The following LTBP1 variants were observed in gnomAD, a reference collection of about 807,000 sequenced individuals.
LTBP1 encodes the protein latent-transforming growth factor beta-binding protein 1.
LTBP1 carries 129 observed loss-of-function variants against 207.6 expected under a neutral mutation model. The observed-to-expected ratio is 0.62, with a 90% CI of 0.54 to 0.72. LTBP1 has a LOEUF of 0.72. Ranked by LOEUF, LTBP1 falls within the 30% of genes least tolerant of loss-of-function variation. The pLI is 0.00. For synonymous variants in LTBP1, 963 were observed against 833.7 expected (o/e 1.16, Z -2.67); for missense variants, 2,281 against 2,217.2 (o/e 1.03, Z -0.58).
chr2:33,329,021 T>A (rs987015635), intron 24 of LTBP1, among the ~76,000 whole-genome samples: 3 of 152,200 alleles, frequency 2.0e-5, no homozygotes, highest in Admixed American at 6.5e-5. Context: ...TAATCACTAA[T>A]TTCTGTTGGA....
intron 19 of LTBP1, among the ~76,000 whole-genome samples, chr2:33,281,105 C>T (rs1025895058): frequency 6.6e-6 from 1 of 152,104 alleles, no homozygotes. Flanking sequence ...TACTGTATAT[C>T]CCCAGAGTTG....
At chr2:33,355,597 C>A (rs183502368) in intron 26 of LTBP1, among the ~76,000 whole-genome samples, 1 of 152,242 alleles carries the variant, frequency 6.6e-6, no homozygotes, top group African/African-American at 2.4e-5. Flanking sequence ...GCTGGGCCCA[C>A]TGTACTTTAT....
At chr2:33,296,777 C>T (rs1011624064) in intron 20 of LTBP1, among the ~76,000 whole-genome samples, 1 of 151,996 alleles carries the variant, frequency 6.6e-6, no homozygotes, top group Non-Finnish European at 1.5e-5. Context: ...AGTCCTGATG[C>T]GTAGAAGCTG....
chr2:33,106,713 T>C (rs979789481), intron 3 of LTBP1, among the ~76,000 whole-genome samples: 7 of 152,242 alleles, frequency 4.6e-5, no homozygotes, highest in African/African-American at 1.7e-4. Flanking sequence ...GCTATGTTGT[T>C]GTAGAGCACA....
intron 3 of LTBP1, among the ~76,000 whole-genome samples, chr2:33,055,006 C>T (rs1276503637): frequency 6.6e-6 from 1 of 152,188 alleles, no homozygotes; most frequent in African/African-American, 2.4e-5. Context: ...CAAGCCCCAC[C>T]AGATGATTGG....
chr2:33,201,653 A>G (rs534064087), intron 7 of LTBP1, among the ~76,000 whole-genome samples: 28 of 148,976 alleles, frequency 1.9e-4, no homozygotes, highest in Middle Eastern at 3.4e-3. Flanking sequence ...AGAAGAAGAA[A>G]AAAAAAGAAA....
chr2:32,949,816 T>C (rs1676829393), intron 2 of LTBP1, among the ~76,000 whole-genome samples: 1 of 152,246 alleles, frequency 6.6e-6, no homozygotes, highest in Non-Finnish European at 1.5e-5. Flanking sequence ...ATTTTAAAAA[T>C]TTTGGATACA....
intron 31 of LTBP1, among the ~76,000 whole-genome samples, chr2:33,370,463 T>C (rs979706885): frequency 2.0e-5 from 3 of 152,340 alleles, no homozygotes; most frequent in Admixed American, 2.0e-4. Context: ...CACAGGATTC[T>C]GCATTTCTGA....
At chr2:33,396,551 A>C (rs998811248) in intron 32 of LTBP1, among the ~76,000 whole-genome samples, 6 of 152,150 alleles carry the variant, frequency 3.9e-5, no homozygotes, top group African/African-American at 1.4e-4. Flanking sequence ...GTTCTTTCTC[A>C]TTCATCAGGA....
At chr2:32,974,301 G>T (rs1191074146) in intron 2 of LTBP1, among the ~76,000 whole-genome samples, 2 of 152,188 alleles carry the variant, frequency 1.3e-5, no homozygotes, top group Non-Finnish European at 2.9e-5. Context: ...TAACTGGGGT[G>T]AGATGATATC....
At chr2:33,179,404 T>C (rs1477702683) in intron 5 of LTBP1, among the ~76,000 whole-genome samples, 1 of 152,072 alleles carries the variant, frequency 6.6e-6, no homozygotes, top group Non-Finnish European at 1.5e-5. Context: ...TATAAAAGAA[T>C]GAAACGATAA....
intron 3 of LTBP1, among the ~76,000 whole-genome samples, chr2:33,036,841 T>C (rs1197736458): frequency 1.3e-5 from 2 of 152,228 alleles, no homozygotes; most frequent in East Asian, 1.9e-4. Context: ...ATCAAAATGC[T>C]TCCCTCATAT....
rs1245407081 is a variant in LTBP1, at chr2:33,134,195, T to G, written c.1034-598T>G. On this transcript the variant is annotated intron_variant, in intron 4 of 33. Coordinates refer to ENST00000404816, the MANE Select transcript of LTBP1 (RefSeq NM_206943.4). This position sits in a 1 kb window ranked among gnomAD's most constrained non-coding sequence, Gnocchi z 4.4. ...ATGGAGAAATAGTGCCCTGGAGTTG[T>G]GAAAAAGAAATGGGCTCCCGCAGCT... 6.6e-6 allele frequency among the ~76,000 whole-genome samples: 1 copy of G among 152,162 alleles called. No homozygotes were observed. Among genetic ancestry groups the G allele is most frequent in the African/African-American group, 2.4e-5 (1 of 41,426 alleles).
intron 4 of LTBP1, among the ~76,000 whole-genome samples, chr2:33,116,508 G>A (rs1184349134): frequency 1.3e-5 from 2 of 152,102 alleles, no homozygotes; most frequent in African/African-American, 2.4e-5. Context: ...GCTAACGTGG[G>A]GGAGAAAGAG....
chr2:33,275,756 A>G (rs2093412984), intron 17 of LTBP1, 45 bp from the exon 18 acceptor site: 2 of 1,611,924 alleles, frequency 1.2e-6, no homozygotes, highest in South Asian at 1.1e-5. Context: ...GGTTTGAAAC[A>G]GTATTTGGAA....
intron 24 of LTBP1, among the ~76,000 whole-genome samples, chr2:33,342,021 A>G (rs967298618): frequency 2.6e-5 from 4 of 152,154 alleles, no homozygotes; most frequent in Non-Finnish European, 5.9e-5. Context: ...TGGGTGGTAT[A>G]GATGTGGCAG....
At chr2:33,021,599 T>G (rs1489871309) in intron 3 of LTBP1, among the ~76,000 whole-genome samples, 1 of 152,200 alleles carries the variant, frequency 6.6e-6, no homozygotes, top group Non-Finnish European at 1.5e-5. Context: ...ATTTTTAAAG[T>G]TATCTGGAAA....
rs189140339 is a variant in LTBP1 at position 33,099,910 on chromosome 2, G to A, written c.864-10672G>A. Among the ~76,000 whole-genome samples the A allele has an allele frequency of 1.1e-4, 16 of 152,276 alleles. No individual in the cohort carries two copies. The East Asian group carries it at 2.9e-3, about 28-fold the overall frequency. On this transcript the variant is annotated intron_variant, in intron 3 of 33. Coordinates refer to ENST00000404816, the MANE Select transcript of LTBP1 (RefSeq NM_206943.4). ...CTTTTCCATTCTTCTAGGCTTAAAG[G>A]TCACAAGGGGGAATAGATAAAATTA...
chr2:33,198,968 C>T (rs1042399476), intron 7 of LTBP1, among the ~76,000 whole-genome samples: 2 of 152,026 alleles, frequency 1.3e-5, no homozygotes, highest in African/African-American at 4.8e-5. Flanking sequence ...TCTTGCTTTT[C>T]TAGTTCTTTT....
Sources: allele counts gnomAD v4.1 joint callset (sites outside exome capture counted in the v4.1 genomes callset), GRCh38; gene constraint gnomAD v4.1.1; non-coding constraint Gnocchi (gnomAD v3.1); transcripts MANE v1.5; gene names NCBI Gene and HGNC (gene_info 2026-07-23, HGNC 2026-07-21).